The following CNTNAP2 variants were observed in gnomAD, a reference collection of about 807,000 sequenced individuals.
The protein encoded by CNTNAP2 is contactin associated protein 2, also known as contactin-associated protein-like 2.
Under a neutral mutation model 155.2 loss-of-function variants are expected in CNTNAP2, and 98 were observed. The observed-to-expected ratio is 0.63, with a 90% CI of 0.54 to 0.75. The LOEUF is 0.75. Ranked by LOEUF, CNTNAP2 falls within the 30% of genes least tolerant of loss-of-function variation. CNTNAP2 has a pLI of 0.00. For synonymous variants in CNTNAP2, 651 were observed against 631.2 expected (o/e 1.03, Z -0.47); for missense variants, 1,727 against 1,688.1 (o/e 1.02, Z -0.40).
intron 1 of CNTNAP2, among the ~76,000 whole-genome samples, chr7:146,401,076 A>T (rs1183827381): frequency 6.6e-6 from 1 of 152,228 alleles, no homozygotes; most frequent in Non-Finnish European, 1.5e-5. Flanking sequence ...AGGGCTATAG[A>T]TGAAGAACAA....
At chr7:148,404,986 G>T (rs949754373) in intron 22 of CNTNAP2, among the ~76,000 whole-genome samples, 1 of 152,128 alleles carries the variant, frequency 6.6e-6, no homozygotes, top group African/African-American at 2.4e-5. Context: ...GGTTTTTATG[G>T]TTACAGGACT....
At chr7:146,731,777 C>T (rs1038197618) in intron 1 of CNTNAP2, among the ~76,000 whole-genome samples, 5 of 152,058 alleles carry the variant, frequency 3.3e-5, no homozygotes, top group Admixed American at 3.3e-4. Context: ...TCCTTTAGGG[C>T]ATAGGTTTTG....
At chr7:146,230,796 G>A (rs558376364) in intron 1 of CNTNAP2, among the ~76,000 whole-genome samples, 53 of 152,148 alleles carry the variant, frequency 3.5e-4, no homozygotes, top group African/African-American at 1.1e-3. Context: ...CAGGTGGACC[G>A]CTTGAGTCAG....
In CNTNAP2 at chr7:146,665,308, C is replaced by T. The variant is rs189793063; in HGVS notation, c.98-108963C>T. ...CTCTTTCTGTCAGTAATCTGGATAA[C>T]GATTTATTACTATTATTGATTGTTA... On this transcript the variant is annotated intron_variant, in intron 1 of 23. Transcript: ENST00000361727. 3.7e-3 allele frequency among the ~76,000 whole-genome samples: 556 copies of T among 152,230 alleles called. 1 individual carries two copies. Among genetic ancestry groups the T allele is most frequent in the African/African-American group, 0.013 (532 of 41,538 alleles).
At chr7:147,473,409 A>G (rs1255245758) in intron 10 of CNTNAP2, among the ~76,000 whole-genome samples, 1 of 152,184 alleles carries the variant, frequency 6.6e-6, no homozygotes, top group Non-Finnish European at 1.5e-5. Flanking sequence ...CACAGAGCTC[A>G]TGCCCACAGA....
chr7:147,857,188 T>G (rs1180299582), intron 13 of CNTNAP2, among the ~76,000 whole-genome samples: 1 of 152,224 alleles, frequency 6.6e-6, no homozygotes, highest in African/African-American at 2.4e-5. Flanking sequence ...TAAAATTATG[T>G]AAAGGTTAAT....
intron 4 of CNTNAP2, among the ~76,000 whole-genome samples, chr7:147,054,279 C>G (rs929506074): frequency 1.3e-5 from 2 of 152,074 alleles, no homozygotes; most frequent in Non-Finnish European, 2.9e-5. Flanking sequence ...TCTACATGTC[C>G]AGCAGAAAAA....
At chr7:147,864,895 T>C (rs1449871227) in intron 13 of CNTNAP2, among the ~76,000 whole-genome samples, 2 of 152,142 alleles carry the variant, frequency 1.3e-5, no homozygotes, top group Admixed American at 6.5e-5. Flanking sequence ...GACTTCCTCT[T>C]TTCCTAATTG....
chr7:148,179,637 G>GAA (rs1186549319), intron 18 of CNTNAP2, among the ~76,000 whole-genome samples: 2 of 90,934 alleles, frequency 2.2e-5, no homozygotes, highest in Non-Finnish European at 4.5e-5. Context: ...AGGAGAGAAA[G>GAA]AGAGAAAGAG....
At chr7:147,183,914 T>C (rs950227035) in intron 8 of CNTNAP2, among the ~76,000 whole-genome samples, 8 of 152,182 alleles carry the variant, frequency 5.3e-5, no homozygotes, top group African/African-American at 1.9e-4. Flanking sequence ...TGTATCAAGC[T>C]AAACACAAAG....
chr7:147,766,171 A>G (rs927048993), intron 13 of CNTNAP2, among the ~76,000 whole-genome samples: 1 of 152,198 alleles, frequency 6.6e-6, no homozygotes, highest in African/African-American at 2.4e-5. Flanking sequence ...TGCATTTATC[A>G]AAACTAATTG....
intron 8 of CNTNAP2, among the ~76,000 whole-genome samples, chr7:147,290,939 A>G (rs368749902): frequency 2.6e-5 from 4 of 152,140 alleles, no homozygotes; most frequent in Non-Finnish European, 5.9e-5. Context: ...AATAATAAGG[A>G]CCAACTGTTC....
At chr7:146,164,900 G>A (rs1336929433) in intron 1 of CNTNAP2, among the ~76,000 whole-genome samples, 1 of 152,192 alleles carries the variant, frequency 6.6e-6, no homozygotes, top group Non-Finnish European at 1.5e-5. Context: ...TCTTCAGGAA[G>A]TTATTCGGAG....
chr7:146,542,414 C>T lies in CNTNAP2; in HGVS notation c.98-231857C>T, dbSNP rs562709779. Reference sequence around the variant, plus strand: ...CCAGCTCATTTAGATCTACATGTTCCAAGGTAAGAACACAAATAAACTAAT... The same window carrying T: ...CCAGCTCATTTAGATCTACATGTTCTAAGGTAAGAACACAAATAAACTAAT... On this transcript the variant is annotated intron_variant, in intron 1 of 23. Transcript: ENST00000361727. Among the ~76,000 whole-genome samples the T allele has an allele frequency of 2.0e-4, 31 of 151,976 alleles. 1 individual carries two copies. The highest frequency in any genetic ancestry group is 7.5e-4 in the African/African-American group (31 of 41,510).
intron 3 of CNTNAP2, among the ~76,000 whole-genome samples, chr7:147,001,783 G>T (rs1798428886): frequency 1.3e-5 from 2 of 151,432 alleles, no homozygotes; most frequent in African/African-American, 2.4e-5. Flanking sequence ...AAAAAGAAAA[G>T]ATGTAACACT....
chr7:147,633,758 G>A (rs886146923), intron 12 of CNTNAP2, among the ~76,000 whole-genome samples: 10 of 152,126 alleles, frequency 6.6e-5, no homozygotes, highest in East Asian at 3.9e-4. Context: ...TCTCTCTCCC[G>A]CCACCCTGTG....
intron 1 of CNTNAP2, among the ~76,000 whole-genome samples, chr7:146,528,812 A>G (rs1053224356): frequency 4.6e-5 from 7 of 152,146 alleles, no homozygotes; most frequent in Non-Finnish European, 8.8e-5. Flanking sequence ...AGATTAAAAA[A>G]AGAGAGAGAG....
intron 8 of CNTNAP2, among the ~76,000 whole-genome samples, chr7:147,157,483 C>CTT (rs1246647092): frequency 6.6e-6 from 1 of 152,066 alleles, no homozygotes; most frequent in East Asian, 1.9e-4. Context: ...TGTCAAGTTT[C>CTT]TTTTCATCCA....
chr7:147,529,829 A>C (rs1013073659), intron 11 of CNTNAP2, among the ~76,000 whole-genome samples: 4 of 152,240 alleles, frequency 2.6e-5, no homozygotes, highest in African/African-American at 9.6e-5. Flanking sequence ...GACTATTTCC[A>C]TAATGTTCCA....
Sources: allele counts gnomAD v4.1 joint callset (sites outside exome capture counted in the v4.1 genomes callset), GRCh38; gene constraint gnomAD v4.1.1; transcripts MANE v1.5; gene names NCBI Gene and HGNC (gene_info 2026-07-23, HGNC 2026-07-21).